Variants in CHRDL1 observed in about 807,000 individuals in gnomAD.
CHRDL1 encodes the protein chordin-like protein 1.
CHRDL1 carries 19 observed loss-of-function variants against 40.9 expected under a neutral mutation model. The observed-to-expected ratio is 0.46, with a 90% CI of 0.32 to 0.68. The LOEUF is 0.68. CHRDL1 is among the 30% of genes least tolerant of loss of function. The probability of loss-of-function intolerance (pLI) is 0.03; values close to 1 mark genes in which losing one functional copy is unlikely to be tolerated. For synonymous variants in CHRDL1, 136 were observed against 123.4 expected, an observed-to-expected ratio of 1.10 and a Z score of -0.68; for missense variants, 329 against 352.1, an observed-to-expected ratio of 0.93 and a Z score of 0.53.
intron 6 of CHRDL1, among the ~76,000 whole-genome samples, chrX:110,719,308 A>C (rs1397589945): frequency 8.9e-6 from 1 of 111,844 alleles, no homozygotes; most frequent in Non-Finnish European, 1.9e-5. Flanking sequence ...AGAAAAAAAG[A>C]CTAATGTGAG....
At chrX:110,769,960 C>A (rs893861344) in intron 2 of CHRDL1, among the ~76,000 whole-genome samples, 1 of 112,306 alleles carries the variant, frequency 8.9e-6, no homozygotes, top group Non-Finnish European at 1.9e-5. Context: ...GAGAGAGATG[C>A]CTCATATCAA....
chrX:110,731,386 TA>T lies in CHRDL1; in HGVS notation c.302-9857del, dbSNP rs965879488. Among the ~76,000 whole-genome samples the T allele has an allele frequency of 5.6e-4, 61 of 109,566 alleles. 2 individuals carry two copies. Among genetic ancestry groups the T allele is most frequent in the African/African-American group, 1.7e-3 (50 of 30,161 alleles). On this transcript the variant is annotated intron_variant, in intron 4 of 11. Coordinates refer to ENST00000372042, the MANE Select transcript of CHRDL1 (RefSeq NM_001143981.2). The stretch of plus-strand genomic sequence containing the variant: ...CCCTTATACAGTGCTGGTGAGAATG[TA>T]AAAAAAAATAATAATAGTACAGCTG...
intron 4 of CHRDL1, among the ~76,000 whole-genome samples, chrX:110,722,818 G>A (rs1365281261): frequency 8.9e-6 from 1 of 111,846 alleles, no homozygotes; most frequent in Non-Finnish European, 1.9e-5. Context: ...TGGAAGGAGA[G>A]AAATCAGGGG....
chrX:110,735,743 G>C (rs2071252400), intron 4 of CHRDL1, among the ~76,000 whole-genome samples: 1 of 112,200 alleles, frequency 8.9e-6, no homozygotes, highest in African/African-American at 3.2e-5. Flanking sequence ...TCAAGTCCAG[G>C]GGGTGGTATT....
chrX:110,731,085 A>C (rs1284562427), intron 4 of CHRDL1, among the ~76,000 whole-genome samples: 1 of 111,315 alleles, frequency 9.0e-6, no homozygotes, highest in Non-Finnish European at 1.9e-5. Context: ...CAAAGGTGGC[A>C]AGTTCACCAT....
chrX:110,746,240 C>T (rs547137840), intron 4 of CHRDL1, among the ~76,000 whole-genome samples: 3 of 110,912 alleles, frequency 2.7e-5, no homozygotes, highest in East Asian at 5.7e-4. Context: ...CTGCAAGAGG[C>T]GCCAGATGAC....
intron 2 of CHRDL1, among the ~76,000 whole-genome samples, chrX:110,791,750 G>A (rs1470281767): frequency 9.0e-6 from 1 of 111,156 alleles, no homozygotes; most frequent in African/African-American, 3.3e-5. Context: ...TCTGAAATTT[G>A]GGAAAATTCC....
rs17280593 is a variant in CHRDL1, at chrX:110,792,443, G to T, written c.-34-228C>A. On this transcript the variant is annotated intron_variant, in intron 1 of 11. Transcript: ENST00000372042. Reference sequence around the variant, plus strand: ...AGGGTGCATTCCTATCCAAAGCTGAGGCTAAGTCCTTACAGGCAAGTTATA... The same window carrying T: ...AGGGTGCATTCCTATCCAAAGCTGATGCTAAGTCCTTACAGGCAAGTTATA... Among the ~76,000 whole-genome samples the T allele has an allele frequency of 7.5e-4, 84 of 112,397 alleles. No homozygotes were observed. In the East Asian group the frequency reaches 0.021, roughly 28 times the overall value.
chrX:110,702,316 G>C (rs977331984), intron 6 of CHRDL1, among the ~76,000 whole-genome samples: 1 of 111,859 alleles, frequency 8.9e-6, no homozygotes, highest in African/African-American at 3.3e-5. Flanking sequence ...CCCCATGCCT[G>C]TGAAAACCAT....
intron 6 of CHRDL1, among the ~76,000 whole-genome samples, chrX:110,703,395 G>C (rs1402829141): frequency 8.9e-6 from 1 of 112,279 alleles, no homozygotes; most frequent in Non-Finnish European, 1.9e-5. Flanking sequence ...CCATGTCTGA[G>C]TAAAGATTGT....
chrX:110,719,629 G>T (rs769079847), intron 6 of CHRDL1, among the ~76,000 whole-genome samples: 5 of 102,865 alleles, frequency 4.9e-5, no homozygotes, highest in African/African-American at 1.9e-4. Flanking sequence ...ACTCCATCCT[G>T]TAGTTTTTTT....
At chrX:110,774,484 A>G (rs1247583651) in intron 2 of CHRDL1, among the ~76,000 whole-genome samples, 4 of 111,099 alleles carry the variant, frequency 3.6e-5, no homozygotes, top group Non-Finnish European at 7.6e-5. Context: ...ATACAGAATA[A>G]AACAGTGGTG....
chrX:110,739,050 G>A (rs937272644), intron 4 of CHRDL1, among the ~76,000 whole-genome samples: 5 of 111,789 alleles, frequency 4.5e-5, no homozygotes, highest in African/African-American at 1.6e-4. Flanking sequence ...TATCTGTCCA[G>A]AGGCCATGTG....
chrX:110,693,723 C>T (rs1900985895), intron 8 of CHRDL1, among the ~76,000 whole-genome samples: 1 of 110,951 alleles, frequency 9.0e-6, no homozygotes, highest in African/African-American at 3.3e-5. Context: ...GAATATGTAT[C>T]TTTAACGAGA....
chrX:110,685,273 T>A (rs1262210337), intron 9 of CHRDL1, among the ~76,000 whole-genome samples: 1 of 111,982 alleles, frequency 8.9e-6, no homozygotes, highest in Non-Finnish European at 1.9e-5. Context: ...TTCTTTCTTT[T>A]TTTGAGACAG....
chrX:110,776,641 A>G (rs2148525128), intron 2 of CHRDL1, among the ~76,000 whole-genome samples: 1 of 111,028 alleles, frequency 9.0e-6, no homozygotes, highest in Non-Finnish European at 1.9e-5. Context: ...TAAATACTTT[A>G]AAGTATTTAT....
At chrX:110,746,214 C>T (rs1603217577) in intron 4 of CHRDL1, among the ~76,000 whole-genome samples, 1 of 111,111 alleles carries the variant, frequency 9.0e-6, no homozygotes, top group Admixed American at 9.6e-5. Context: ...CCCTGCAGTA[C>T]GGACACACTG....
At chrX:110,754,221 TGTTACCATTTTAAAA>T (rs1248224092) in intron 4 of CHRDL1, among the ~76,000 whole-genome samples, 2 of 112,430 alleles carry the variant, frequency 1.8e-5, no homozygotes, top group Non-Finnish European at 3.8e-5. Context: ...TTCAAGCTAA[TGTTACCATTTTAAAA>T]GGTGAAGTCT....
intron 4 of CHRDL1, among the ~76,000 whole-genome samples, chrX:110,750,343 C>T (rs1173430732): frequency 9.0e-6 from 1 of 110,938 alleles, no homozygotes; most frequent in Non-Finnish European, 1.9e-5. Flanking sequence ...AAAGCTGATC[C>T]GATGGCTGGA....
Sources: allele counts gnomAD v4.1 joint callset (sites outside exome capture counted in the v4.1 genomes callset), GRCh38; gene constraint gnomAD v4.1.1; transcripts MANE v1.5; gene names NCBI Gene and HGNC (gene_info 2026-07-23, HGNC 2026-07-21).